TMC3: variants seen among roughly 807,000 people sequenced by gnomAD.
TMC3 encodes transmembrane channel like 3.
A neutral mutation model predicts 110.6 loss-of-function variants in TMC3; 98 were observed. The ratio of observed to expected loss-of-function variants is 0.89; its 90% confidence interval spans 0.75 to 1.05. The LOEUF is 1.05. TMC3 is among the 50% of genes least tolerant of loss of function. The pLI is 0.00. For missense variants in TMC3, 1,319 were observed against 1,373.2 expected, an observed-to-expected ratio of 0.96 and a Z score of 0.62; for synonymous variants, 489 against 513.1, an observed-to-expected ratio of 0.95 and a Z score of 0.63.
chr15:81,363,947 A>C (rs1054182193), intron 3 of TMC3, among the ~76,000 whole-genome samples: 5 of 152,234 alleles, frequency 3.3e-5, no homozygotes, highest in Admixed American at 6.5e-5. Context: ...CAGGGCGGAA[A>C]GCCAGAGACC....
intron 17 of TMC3, among the ~76,000 whole-genome samples, chr15:81,339,059 G>A (rs1893657137): frequency 6.6e-6 from 1 of 152,202 alleles, no homozygotes; most frequent in South Asian, 2.1e-4. Flanking sequence ...CTTGAATACA[G>A]CTGGATAATA....
chr15:81,350,099 G>A (rs981575478), intron 10 of TMC3, among the ~76,000 whole-genome samples: 1 of 143,038 alleles, frequency 7.0e-6, no homozygotes, highest in Non-Finnish European at 1.5e-5. Flanking sequence ...AAAAAAAAAA[G>A]TGGCACATGC....
At chr15:81,367,225 T>G (rs1461604387) in intron 3 of TMC3, among the ~76,000 whole-genome samples, 2 of 152,190 alleles carry the variant, frequency 1.3e-5, no homozygotes, top group African/African-American at 4.8e-5. Flanking sequence ...TAAATTAATA[T>G]ACATTTATCT....
rs371661404 is a variant in TMC3, at chr15:81,334,885, G to T, written c.2294C>A (p.Pro765His). The T allele has an allele frequency of 5.8e-5, 94 of 1,614,016 alleles. No homozygotes were observed. In the African/African-American group the frequency reaches 7.2e-4, roughly 12 times the overall value. ...SQLSSAHSGT[P>H]QNNGNVAHFD... ...ATGGGCCACGTTGCCGTTGTTTTGG[G>T]GTGTGCCCGAGTGCGCTGAGGACAG... The change falls in exon 21 of 22, where the codon CCC becomes CAC. Residue 765 changes from proline to histidine, a missense_variant. Coordinates refer to ENST00000359440, the MANE Select transcript of TMC3 (RefSeq NM_001080532.3).
intron 2 of TMC3, among the ~76,000 whole-genome samples, 182 bp downstream of exon 2, chr15:81,372,407 CAG>C (rs1555429942): frequency 5.2e-4 from 72 of 137,692 alleles, no homozygotes; most frequent in Admixed American, 2.4e-3. Flanking sequence ...CACACACACA[CAG>C]AGGAACTGGC....
At chr15:81,352,280 T>C (rs1700565406) in intron 9 of TMC3, among the ~76,000 whole-genome samples, 2 of 152,204 alleles carry the variant, frequency 1.3e-5, no homozygotes, top group Admixed American at 6.5e-5. Flanking sequence ...TCATCCCATA[T>C]AATGAATCTG....
intron 7 of TMC3, 66 bp from the exon 8 acceptor site, chr15:81,356,660 T>C (rs7167034): frequency 0.85 from 1,283,589 of 1,517,286 alleles, 547,580 homozygotes; most frequent in African/African-American, 0.9. Flanking sequence ...CTAGCACCCA[T>C]GGAGCCTTTG....
At chr15:81,354,458 G>A (rs1894014779) in intron 9 of TMC3, among the ~76,000 whole-genome samples, 1 of 152,206 alleles carries the variant, frequency 6.6e-6, no homozygotes. Flanking sequence ...CAGCGGTTCA[G>A]GGTAGCTCCA....
intron 21 of TMC3, among the ~76,000 whole-genome samples, chr15:81,333,975 A>C (rs1893533358): frequency 6.6e-6 from 1 of 151,520 alleles, no homozygotes; most frequent in African/African-American, 2.4e-5. Context: ...GGGTGACAAG[A>C]GCAAAACCCT....
intron 20 of TMC3, among the ~76,000 whole-genome samples, chr15:81,335,415 G>A (rs928270645): frequency 3.9e-5 from 6 of 152,242 alleles, no homozygotes; most frequent in African/African-American, 1.4e-4. Flanking sequence ...AACAGTCTAT[G>A]TGGATTCTGG....
chr15:81,365,664 C>A, intron 3 of TMC3, among the ~76,000 whole-genome samples: 1 of 116,220 alleles, frequency 8.6e-6, no homozygotes, highest in African/African-American at 3.8e-5. Context: ...GAGCAAGACT[C>A]TGTCTCAAAA....
Position 81,336,638 on chromosome 15 carries a change from T to C in TMC3, c.2174A>G (p.Asp725Gly). Residue 725 changes from aspartate (D) to glycine (G), a missense_variant, in exon 20 of 22, where the codon GAT (aspartate) becomes GGT (glycine). Coordinates refer to ENST00000359440, the MANE Select transcript of TMC3 (RefSeq NM_001080532.3). Reference sequence around the variant, plus strand: ...TACCATCTGGGCAACCTTTTTCTTATCCTCTGATCTTGCCTAAAATGCAAA... The same window carrying C: ...TACCATCTGGGCAACCTTTTTCTTACCCTCTGATCTTGCCTAAAATGCAAA... The part of the protein sequence containing the change: ...KMQIQNARSE[D>G]KKKVAQMVEA... 1 of 1,613,930 alleles carries C rather than the reference T, an allele frequency of 6.2e-7. No individual in the cohort carries two copies. Among genetic ancestry groups the C allele is most frequent in the Non-Finnish European group, 8.5e-7 (1 of 1,179,882 alleles).
At chr15:81,369,081 G>A (rs1894379571) in intron 2 of TMC3, among the ~76,000 whole-genome samples, 1 of 152,162 alleles carries the variant, frequency 6.6e-6, no homozygotes, top group African/African-American at 2.4e-5. Flanking sequence ...CTCATTATCT[G>A]ATGGTCGGAT....
At chr15:81,360,830 T>C (rs1291115319) in intron 4 of TMC3, among the ~76,000 whole-genome samples, 1 of 152,004 alleles carries the variant, frequency 6.6e-6, no homozygotes, top group African/African-American at 2.4e-5. Flanking sequence ...CTGGGGCAAT[T>C]CTCTGAAGGG....
intron 14 of TMC3, 21 bp downstream of exon 14, chr15:81,343,896 C>G: frequency 6.2e-7 from 1 of 1,608,268 alleles, no homozygotes; most frequent in Non-Finnish European, 8.5e-7. Flanking sequence ...ACTTTCCCAA[C>G]AGACACAGCA....
intron 2 of TMC3, among the ~76,000 whole-genome samples, chr15:81,368,957 A>T (rs1356375211): frequency 6.6e-6 from 1 of 152,192 alleles, no homozygotes; most frequent in Non-Finnish European, 1.5e-5. Flanking sequence ...TTAAATGAAC[A>T]ACAGGATTAG....
At position 81,332,649 on chromosome 15, in the gene TMC3, G is replaced by C. The variant is rs199628895; in HGVS notation, c.3073C>G (p.Pro1025Ala). 6.2e-6 allele frequency: 10 copies of C among 1,614,034 alleles called. No individual in the cohort carries two copies. The highest frequency in any genetic ancestry group is 8.5e-6 in the Non-Finnish European group (10 of 1,179,904). The change falls in exon 22 of 22, where the codon CCT becomes GCT. Residue 1025 changes from proline (P) to alanine (A), a missense_variant. Transcript: ENST00000359440. Reference protein sequence around the residue: ...RSRNFQYPQPPLKPRGKPRFE... With the variant: ...RSRNFQYPQPALKPRGKPRFE... ...CTGGGCTTCCCTCTGGGCTTCAGAG[G>C]GGGCTGTGGGTATTGGAAATTCCGG... is the stretch of plus-strand genomic sequence containing the variant.
intron 12 of TMC3, among the ~76,000 whole-genome samples, chr15:81,345,958 C>T (rs1390814446): frequency 6.6e-6 from 1 of 152,076 alleles, no homozygotes; most frequent in African/African-American, 2.4e-5. Context: ...ATAGTAAGTC[C>T]CCTCTGAACT....
rs141376263 is a variant in TMC3 at position 81,367,501 on chromosome 15, A to C, written c.312+752T>G. Among the ~76,000 whole-genome samples the C allele has an allele frequency of 2.7e-3, 410 of 152,332 alleles. 2 individuals carry two copies. The highest frequency in any genetic ancestry group is 9.5e-3 in the African/African-American group (393 of 41,576). ...ATGACTTTATAAGCAGATAATTTTA[A>C]TGTATACTTTTCATTTAAGTAACTG... On this transcript the variant is annotated intron_variant, in intron 3 of 21. Transcript: ENST00000359440.
Sources: allele counts gnomAD v4.1 joint callset (sites outside exome capture counted in the v4.1 genomes callset), GRCh38; gene constraint gnomAD v4.1.1; transcripts MANE v1.5; gene names NCBI Gene and HGNC (gene_info 2026-07-23, HGNC 2026-07-21).